ATF1: variants seen among roughly 807,000 people sequenced by gnomAD.
ATF1 encodes activating transcription factor 1.
ATF1 carries 16 observed loss-of-function variants against 34.7 expected under a neutral mutation model. The ratio of observed to expected loss-of-function variants is 0.46; its 90% CI spans 0.31 to 0.70. The LOEUF is 0.70. ATF1 is among the 30% of genes least tolerant of loss of function. The pLI, the probability that ATF1 is intolerant of heterozygous loss-of-function variation, is 0.05. For missense variants in ATF1, 255 were observed against 321.6 expected (o/e 0.79, Z 1.58); for synonymous variants, 105 against 113.1 (o/e 0.93, Z 0.46).
At chr12:50,792,549 C>T (rs140370172) in intron 2 of ATF1, among the ~76,000 whole-genome samples, 4 of 152,084 alleles carry the variant, frequency 2.6e-5, no homozygotes, top group Admixed American at 6.6e-5. Context: ...ACTTAGTGGT[C>T]GAGAGTTGGA....
chr12:50,788,063 GGTA>G (rs1358944660), intron 2 of ATF1: 3 of 386,092 alleles, frequency 7.8e-6, no homozygotes, highest in Non-Finnish European at 1.5e-5. Flanking sequence ...TTGTCAGTGA[GGTA>G]GGAGGAAAAT....
In ATF1 at chr12:50,780,125, T is replaced by A; in HGVS notation, c.-6-15T>A. ...TATCATATTTAATTTTAACGGACTT[T>A]TTTCCCCCTTATAGTTGATTATGGA... is the stretch of plus-strand genomic sequence containing the variant. On this transcript the variant is annotated splice_polypyrimidine_tract_variant and intron_variant, in intron 1 of 6. Coordinates refer to ENST00000262053, the MANE Select transcript of ATF1 (RefSeq NM_005171.5). 6.4e-7 allele frequency: 1 copy of A among 1,573,456 alleles called. No homozygotes were observed. Among genetic ancestry groups the A allele is most frequent in the Non-Finnish European group, 8.7e-7 (1 of 1,145,158 alleles).
intron 1 of ATF1, among the ~76,000 whole-genome samples, chr12:50,775,834 G>A (rs1940905990): frequency 6.6e-6 from 1 of 152,102 alleles, no homozygotes; most frequent in South Asian, 2.1e-4. Context: ...TTTGCAGAAG[G>A]TACATGATTT....
At chr12:50,815,268 G>T (rs978669104) in intron 6 of ATF1, among the ~76,000 whole-genome samples, 33 of 151,760 alleles carry the variant, frequency 2.2e-4, no homozygotes, top group African/African-American at 7.5e-4. Flanking sequence ...AGGTATGGAG[G>T]TGGAAGACAA....
chr12:50,778,640 A>T (rs544757856), intron 1 of ATF1, among the ~76,000 whole-genome samples: 1 of 150,164 alleles, frequency 6.7e-6, no homozygotes, highest in Admixed American at 6.7e-5. Flanking sequence ...CTCAGGCTGG[A>T]GTGCAGTGGC....
At chr12:50,793,736 C>A (rs959868462) in intron 2 of ATF1, among the ~76,000 whole-genome samples, 4 of 150,920 alleles carry the variant, frequency 2.7e-5, no homozygotes, top group African/African-American at 9.8e-5. Context: ...ATGACTAATT[C>A]TTTTCTGTAT....
At chr12:50,801,289 T>G (rs937255549) in intron 3 of ATF1, among the ~76,000 whole-genome samples, 2 of 152,172 alleles carry the variant, frequency 1.3e-5, no homozygotes, top group African/African-American at 4.8e-5. Flanking sequence ...TATAAAAAGC[T>G]AGGTATCTAT....
At chr12:50,805,574 A>C (rs573047615) in intron 3 of ATF1, among the ~76,000 whole-genome samples, 152 of 151,980 alleles carry the variant, frequency 1.0e-3, no homozygotes, top group South Asian at 2.9e-3. Context: ...AAAAAAAAAA[A>C]AAAAAAAACC....
chr12:50,793,213 AT>A (rs1222357544), intron 2 of ATF1, among the ~76,000 whole-genome samples: 2 of 152,168 alleles, frequency 1.3e-5, no homozygotes, highest in Admixed American at 1.3e-4. Flanking sequence ...TTAAAGATAA[AT>A]TTTTGATTTT....
intron 1 of ATF1, among the ~76,000 whole-genome samples, chr12:50,775,116 T>C (rs1448714445): frequency 6.6e-6 from 1 of 151,902 alleles, no homozygotes; most frequent in Non-Finnish European, 1.5e-5. Context: ...GTTTTTTTTT[T>C]TTAATTGAGA....
chr12:50,806,795 G>A (rs1057054884), intron 3 of ATF1, among the ~76,000 whole-genome samples: 3 of 152,084 alleles, frequency 2.0e-5, no homozygotes, highest in Non-Finnish European at 4.4e-5. Flanking sequence ...TGGGAATCTA[G>A]ATTCAACAAA....
chr12:50,794,201 C>T (rs549138718), intron 2 of ATF1, among the ~76,000 whole-genome samples: 4 of 151,920 alleles, frequency 2.6e-5, no homozygotes, highest in South Asian at 2.1e-4. Flanking sequence ...CCACCCACCT[C>T]GGCCTCCCAA....
intron 2 of ATF1, among the ~76,000 whole-genome samples, chr12:50,788,710 G>A (rs1439405463): frequency 6.6e-6 from 1 of 152,016 alleles, no homozygotes; most frequent in East Asian, 1.9e-4. Flanking sequence ...CGGCACTTTT[G>A]CGGTCATTCA....
chr12:50,766,117 G>C (rs1283723247), intron 1 of ATF1, among the ~76,000 whole-genome samples: 1 of 152,318 alleles, frequency 6.6e-6, no homozygotes, highest in Admixed American at 6.5e-5. Flanking sequence ...GGACTATAGT[G>C]CAGAAACCCT....
chr12:50,772,601 C>T (rs1164665001), intron 1 of ATF1, among the ~76,000 whole-genome samples: 3 of 152,122 alleles, frequency 2.0e-5, no homozygotes, highest in East Asian at 3.9e-4. Context: ...TCTGGGATTA[C>T]AGGTGTGACC....
intron 1 of ATF1, among the ~76,000 whole-genome samples, chr12:50,765,365 A>T (rs932257433): frequency 4.6e-5 from 7 of 152,170 alleles, no homozygotes; most frequent in Admixed American, 6.5e-5. Context: ...CTAAAGTCGA[A>T]TGTATTAGCT....
Position 50,809,562 on chromosome 12 carries a change from A to T in ATF1, c.301A>T (p.Ile101Phe), listed in dbSNP as rs761104902. Reference sequence around the variant, plus strand: ...CACTTCTATGTCTGTTCCAACTCCCATCTATCAGACTAGCAGCGGACAGTA... The same window carrying T: ...CACTTCTATGTCTGTTCCAACTCCCTTCTATCAGACTAGCAGCGGACAGTA... ...AVTSMSVPTP[I>F]YQTSSGQYIA... The change falls in exon 4 of 7, where the codon ATC (isoleucine) becomes TTC (phenylalanine). Residue 101 changes from isoleucine (I) to phenylalanine (F), a missense_variant. By Grantham distance (21) the Ile-to-Phe change is conservative. This residue lies in a region of ATF1 where 221 missense variants were observed against 250.7 expected (regional missense o/e 0.88). Coordinates refer to ENST00000262053, the MANE Select transcript of ATF1 (RefSeq NM_005171.5). The T allele has an allele frequency of 1.2e-6, 2 of 1,613,704 alleles. No homozygotes were observed. Among genetic ancestry groups the T allele is most frequent in the Non-Finnish European group, 1.7e-6 (2 of 1,179,792 alleles).
At chr12:50,767,423 G>A (rs1940664170) in intron 1 of ATF1, among the ~76,000 whole-genome samples, 1 of 152,210 alleles carries the variant, frequency 6.6e-6, no homozygotes, top group Non-Finnish European at 1.5e-5. Flanking sequence ...GGGAGGCTGA[G>A]GCAGGATAAT....
intron 4 of ATF1, among the ~76,000 whole-genome samples, chr12:50,810,501 G>A (rs888149648): frequency 2.9e-4 from 44 of 152,188 alleles, no homozygotes; most frequent in Middle Eastern, 3.4e-3. Flanking sequence ...GATTACAGGC[G>A]TGAGCCACCA....
Sources: gnomAD v4.1 joint callset for allele counts (sites outside exome capture counted in the v4.1 genomes callset) on GRCh38, gnomAD v4.1.1 for gene constraint, gnomAD v4.1.1 regional missense constraint, MANE v1.5 for transcripts, NCBI Gene and HGNC (gene_info 2026-07-23, HGNC 2026-07-21) for gene names.